Variants in VGLL4 observed in about 807,000 individuals in gnomAD.
VGLL4 encodes vestigial like family member 4, also known as transcription cofactor vestigial-like protein 4.
A neutral mutation model predicts 21.0 loss-of-function variants in VGLL4; 7 were observed. That is an observed-to-expected ratio of 0.33 (90% confidence interval 0.19 to 0.63). The LOEUF is 0.63. Ranked by LOEUF, VGLL4 falls within the 20% of genes least tolerant of loss-of-function variation. The pLI is 0.78. For synonymous variants in VGLL4, 222 were observed against 173.2 expected, an observed-to-expected ratio of 1.28 and a Z score of -2.21; for missense variants, 394 against 425.7, an observed-to-expected ratio of 0.93 and a Z score of 0.66.
At chr3:11,621,180 T>C (rs759823813) in intron 1 of VGLL4, among the ~76,000 whole-genome samples, 1 of 152,246 alleles carries the variant, frequency 6.6e-6, no homozygotes, top group South Asian at 2.1e-4. Context: ...TTTATTGACA[T>C]ATAATTCACA....
At chr3:11,662,344 C>T (rs1051163263) in intron 2 of VGLL4, among the ~76,000 whole-genome samples, 7 of 152,278 alleles carry the variant, frequency 4.6e-5, no homozygotes, top group Non-Finnish European at 7.4e-5. Context: ...CAATTGAAAG[C>T]TTCTTGATAC....
chr3:11,655,706 G>A (rs763929959), intron 2 of VGLL4, among the ~76,000 whole-genome samples: 1 of 152,234 alleles, frequency 6.6e-6, no homozygotes, highest in Non-Finnish European at 1.5e-5. Flanking sequence ...TTTGCCGGAG[G>A]AAACAGTGGG....
intron 2 of VGLL4, among the ~76,000 whole-genome samples, chr3:11,692,404 A>C (rs191693837): frequency 5.3e-5 from 8 of 152,352 alleles, no homozygotes; most frequent in Admixed American, 4.6e-4. Context: ...TAAGCACCTA[A>C]TCCACCTGAT....
At chr3:11,572,603 C>T (rs1003312495) in intron 2 of VGLL4, among the ~76,000 whole-genome samples, 4 of 152,160 alleles carry the variant, frequency 2.6e-5, no homozygotes, top group East Asian at 1.9e-4. Context: ...ACCTGACTGT[C>T]GTCCTCTTGC....
At chr3:11,686,478 G>A (rs1050095421) in intron 2 of VGLL4, among the ~76,000 whole-genome samples, 1 of 152,154 alleles carries the variant, frequency 6.6e-6, no homozygotes, top group Non-Finnish European at 1.5e-5. Context: ...TAGAGACAGT[G>A]GAGCGGTGGT....
intron 2 of VGLL4, among the ~76,000 whole-genome samples, chr3:11,658,452 C>T (rs2125351153): frequency 6.6e-6 from 1 of 151,960 alleles, no homozygotes; most frequent in South Asian, 2.1e-4. Flanking sequence ...GGAAAGCTGA[C>T]CTGTAAAACG....
chr3:11,613,565 G>A (rs1385445334), intron 1 of VGLL4, among the ~76,000 whole-genome samples: 1 of 152,144 alleles, frequency 6.6e-6, no homozygotes, highest in Non-Finnish European at 1.5e-5. Context: ...GTTCTGGGAG[G>A]CACGGAGCAG....
intron 1 of VGLL4, among the ~76,000 whole-genome samples, chr3:11,705,291 C>G (rs1251851346): frequency 6.6e-6 from 1 of 152,144 alleles, no homozygotes; most frequent in Admixed American, 6.6e-5. Context: ...GGCAAGCACG[C>G]GGAGGGCAGC....
At chr3:11,650,525 G>A (rs1412249669) in intron 2 of VGLL4, among the ~76,000 whole-genome samples, 1 of 152,066 alleles carries the variant, frequency 6.6e-6, no homozygotes, top group Non-Finnish European at 1.5e-5. Flanking sequence ...TGAAGAGAGG[G>A]GAAAGTTTTA....
upstream of VGLL4, among the ~76,000 whole-genome samples, chr3:11,644,801 G>A (rs2075761929): frequency 1.4e-5 from 2 of 147,094 alleles, no homozygotes; most frequent in Non-Finnish European, 3.0e-5. Flanking sequence ...AGCCAAGATC[G>A]TGACACTGCA....
At chr3:11,638,735 T>G (rs2075634143) in intron 1 of VGLL4, among the ~76,000 whole-genome samples, 1 of 152,116 alleles carries the variant, frequency 6.6e-6, no homozygotes, top group Non-Finnish European at 1.5e-5. Flanking sequence ...CGCTGTGGCC[T>G]TTTCACCTAC....
chr3:11,606,249 G>A (rs1376435476), intron 1 of VGLL4, among the ~76,000 whole-genome samples: 2 of 152,190 alleles, frequency 1.3e-5, no homozygotes, highest in African/African-American at 4.8e-5. Context: ...TCTCCCACCA[G>A]GTCCCTCCCA....
chr3:11,717,528 G>A (rs2076936483), intron 1 of VGLL4, among the ~76,000 whole-genome samples: 1 of 128,326 alleles, frequency 7.8e-6, no homozygotes, highest in South Asian at 2.4e-4. Flanking sequence ...ACAGTTGGGA[G>A]CCGGGAGTCT....
intron 2 of VGLL4, among the ~76,000 whole-genome samples, chr3:11,678,545 A>G (rs557387632): frequency 5.0e-4 from 76 of 152,312 alleles, no homozygotes; most frequent in Non-Finnish European, 8.8e-4. Flanking sequence ...CTGTGACCTT[A>G]GCATTTCATC....
intron 2 of VGLL4, among the ~76,000 whole-genome samples, chr3:11,578,313 C>T (rs2074114842): frequency 1.3e-5 from 2 of 152,144 alleles, no homozygotes; most frequent in Non-Finnish European, 2.9e-5. Context: ...TGCGTGCAGG[C>T]ATATGAGAGA....
chr3:11,623,718 C>CA (rs931459654), intron 1 of VGLL4, among the ~76,000 whole-genome samples: 1 of 151,262 alleles, frequency 6.6e-6, no homozygotes, highest in African/African-American at 2.4e-5. Flanking sequence ...AAGTGGTTCT[C>CA]AGTTTAATTT....
At chr3:11,641,574 A>G (rs1220098363) in intron 1 of VGLL4, among the ~76,000 whole-genome samples, 2 of 152,182 alleles carry the variant, frequency 1.3e-5, no homozygotes, top group South Asian at 4.1e-4. Flanking sequence ...AATTCACTAT[A>G]AACACCACTC....
intron 2 of VGLL4, among the ~76,000 whole-genome samples, chr3:11,649,912 T>TTGGTG (rs1322554995): frequency 7.8e-6 from 1 of 127,468 alleles, no homozygotes; most frequent in African/African-American, 3.5e-5. Flanking sequence ...TTGGTTTGGT[T>TTGGTG]TGGTTTGGTT....
In VGLL4 at chr3:11,719,123, G is replaced by A. The variant is rs1003656898; in HGVS notation, c.-14+1271C>T. ...CGGGCAGGAAGCACAGGAAGAGTAC[G>A]GTGCCCCTTCCCGCAGTCCACATCA... On this transcript the variant is annotated intron_variant, in intron 1 of 5. Transcript: ENST00000273038. The surrounding 1 kb of genome is among the most constrained non-coding windows in gnomAD (Gnocchi z 4.0). 6.6e-6 allele frequency among the ~76,000 whole-genome samples: 1 copy of A among 152,148 alleles called. No individual in the cohort carries two copies. Among genetic ancestry groups the A allele is most frequent in the Admixed American group, 6.5e-5 (1 of 15,278 alleles).
Sources: gnomAD v4.1 joint callset for allele counts (sites outside exome capture counted in the v4.1 genomes callset) on GRCh38, gnomAD v4.1.1 for gene constraint, Gnocchi (gnomAD v3.1) non-coding constraint, MANE v1.5 for transcripts, NCBI Gene and HGNC (gene_info 2026-07-23, HGNC 2026-07-21) for gene names.